ZNF385D: variants seen among roughly 807,000 people sequenced by gnomAD.
The protein encoded by ZNF385D is zinc finger protein 659.
A neutral mutation model predicts 35.8 loss-of-function variants in ZNF385D; 15 were observed. That is an observed-to-expected ratio of 0.42 (90% CI 0.28 to 0.64). The LOEUF (loss-of-function observed/expected upper bound fraction) is 0.64. ZNF385D is among the 30% of genes least tolerant of loss of function. The pLI, the probability that ZNF385D is intolerant of heterozygous loss-of-function variation, is 0.23. For synonymous variants in ZNF385D, 212 were observed against 186.8 expected (o/e 1.13, Z -1.10); for missense variants, 474 against 494.6 (o/e 0.96, Z 0.39).
At chr3:22,149,598 A>C (rs966783190) in intron 3 of ZNF385D, among the ~76,000 whole-genome samples, 2 of 152,174 alleles carry the variant, frequency 1.3e-5, no homozygotes, top group African/African-American at 4.8e-5. Flanking sequence ...ACGACCATAG[A>C]GGTATGAAAC....
At chr3:21,723,527 A>G (rs1295048165) in intron 1 of ZNF385D, among the ~76,000 whole-genome samples, 2 of 152,204 alleles carry the variant, frequency 1.3e-5, no homozygotes, top group Non-Finnish European at 2.9e-5. Flanking sequence ...AAATAGCCGA[A>G]TTTATCAAGC....
At chr3:22,073,385 G>C (rs1700319618) in intron 3 of ZNF385D, among the ~76,000 whole-genome samples, 1 of 151,096 alleles carries the variant, frequency 6.6e-6, no homozygotes. Context: ...TGGGGTGGGT[G>C]AGAGGGTAAA....
At chr3:21,871,227 C>A (rs1332130942) in intron 3 of ZNF385D, among the ~76,000 whole-genome samples, 1 of 152,084 alleles carries the variant, frequency 6.6e-6, no homozygotes, top group Non-Finnish European at 1.5e-5. Flanking sequence ...GAACATTCTT[C>A]CCCACTGTAT....
At chr3:21,933,535 C>G (rs938053340) in intron 3 of ZNF385D, among the ~76,000 whole-genome samples, 2 of 152,136 alleles carry the variant, frequency 1.3e-5, no homozygotes, top group African/African-American at 4.8e-5. Flanking sequence ...AGGACCAGGT[C>G]CCTAGATCTG....
rs139313200 is a variant in ZNF385D, at chr3:21,756,430, G to A, written c.326-91402C>T. 1.7e-3 allele frequency among the ~76,000 whole-genome samples: 264 copies of A among 152,126 alleles called. 1 individual carries two copies. The highest frequency in any genetic ancestry group is 0.01 in the Middle Eastern group (3 of 294). ...AGGTTAGAAGGTGGTCAGTGTAGGGGCATGTCTGGTTTGTCATTCTTATTA... is the reference window on the plus strand; with the variant it reads ...AGGTTAGAAGGTGGTCAGTGTAGGGACATGTCTGGTTTGTCATTCTTATTA... On this transcript the variant is annotated intron_variant, in intron 3 of 5. Coordinates refer to the ZNF385D transcript ENST00000494108.
chr3:22,236,382 A>T (rs1699185299), intron 2 of ZNF385D, among the ~76,000 whole-genome samples: 1 of 152,142 alleles, frequency 6.6e-6, no homozygotes, highest in South Asian at 2.1e-4. Context: ...TCCAGGCTAG[A>T]GAAGAGAGGA....
intron 2 of ZNF385D, among the ~76,000 whole-genome samples, chr3:22,268,072 T>C (rs1266342724): frequency 6.6e-6 from 1 of 151,996 alleles, no homozygotes; most frequent in Non-Finnish European, 1.5e-5. Flanking sequence ...AAATTTATTT[T>C]GCAGTTTCAG....
chr3:21,710,159 A>C (rs2068047747), intron 1 of ZNF385D, among the ~76,000 whole-genome samples: 1 of 152,176 alleles, frequency 6.6e-6, no homozygotes. Flanking sequence ...TTTAGAATAA[A>C]AGACATGAAG....
intron 3 of ZNF385D, among the ~76,000 whole-genome samples, chr3:21,798,478 C>A (rs912576730): frequency 6.6e-6 from 1 of 152,184 alleles, no homozygotes; most frequent in African/African-American, 2.4e-5. Flanking sequence ...TTTCTCACAG[C>A]ATGGAAGCTT....
At chr3:22,330,931 C>T (rs565094615) in intron 2 of ZNF385D, among the ~76,000 whole-genome samples, 1 of 152,316 alleles carries the variant, frequency 6.6e-6, no homozygotes, top group East Asian at 1.9e-4. Flanking sequence ...CAACTTTTGA[C>T]TTGGCATGTC....
At chr3:21,984,972 G>T (rs1310246365) in intron 3 of ZNF385D, among the ~76,000 whole-genome samples, 3 of 151,494 alleles carry the variant, frequency 2.0e-5, no homozygotes, top group African/African-American at 7.3e-5. Flanking sequence ...CTGTTTGTCT[G>T]TTTTTTGTGT....
chr3:21,787,297 C>G (rs1224470263), intron 3 of ZNF385D, among the ~76,000 whole-genome samples: 2 of 152,092 alleles, frequency 1.3e-5, no homozygotes, highest in Non-Finnish European at 2.9e-5. Context: ...CCCCTCCTCT[C>G]CTCTTTCTCC....
intron 3 of ZNF385D, among the ~76,000 whole-genome samples, chr3:21,882,447 G>A (rs1440425028): frequency 2.0e-5 from 3 of 151,900 alleles, no homozygotes; most frequent in Non-Finnish European, 4.4e-5. Context: ...TATACATGAT[G>A]CTATTGCAAA....
chr3:22,281,468 G>C (rs1701736823), intron 2 of ZNF385D, among the ~76,000 whole-genome samples: 1 of 151,968 alleles, frequency 6.6e-6, no homozygotes, highest in African/African-American at 2.4e-5. Flanking sequence ...TTTGTCAAAG[G>C]CTTTTTCTGT....
intron 2 of ZNF385D, among the ~76,000 whole-genome samples, chr3:22,213,899 C>A (rs1234519290): frequency 6.6e-6 from 1 of 151,814 alleles, no homozygotes; most frequent in East Asian, 1.9e-4. Context: ...GAATTTACAC[C>A]AGAAGAAAAT....
intron 3 of ZNF385D, among the ~76,000 whole-genome samples, chr3:22,086,615 T>A (rs1033794808): frequency 1.3e-5 from 2 of 152,144 alleles, no homozygotes; most frequent in South Asian, 2.1e-4. Flanking sequence ...ATGAAAATGG[T>A]CATAATACCC....
chr3:22,164,080 G>T (rs1462350198), intron 3 of ZNF385D, among the ~76,000 whole-genome samples: 1 of 152,036 alleles, frequency 6.6e-6, no homozygotes, highest in East Asian at 1.9e-4. Flanking sequence ...ATGGGGGATA[G>T]GTAAAAGAAA....
intron 2 of ZNF385D, among the ~76,000 whole-genome samples, chr3:22,289,451 T>C (rs1433206825): frequency 1.3e-5 from 2 of 152,170 alleles, no homozygotes; most frequent in Admixed American, 1.3e-4. Context: ...AAAATCTCAT[T>C]CAGTCTTCCA....
At chr3:22,105,655 T>C (rs1480832983) in intron 3 of ZNF385D, among the ~76,000 whole-genome samples, 1 of 152,038 alleles carries the variant, frequency 6.6e-6, no homozygotes, top group Non-Finnish European at 1.5e-5. Flanking sequence ...ATGACAGATG[T>C]CCTGGCCCAA....
Sources: allele counts gnomAD v4.1 joint callset (sites outside exome capture counted in the v4.1 genomes callset), GRCh38; gene constraint gnomAD v4.1.1; transcripts MANE v1.5; gene names NCBI Gene and HGNC (gene_info 2026-07-23, HGNC 2026-07-21).